The following ERC1 variants were observed in gnomAD, a reference collection of about 807,000 sequenced individuals.
ERC1 encodes the protein RAB6 interacting protein 2.
Under a neutral mutation model 132.0 loss-of-function variants are expected in ERC1, and 56 were observed. The observed-to-expected ratio is 0.42, with a 90% confidence interval of 0.34 to 0.53. The LOEUF (loss-of-function observed/expected upper bound fraction) is 0.53, where lower values mean the gene tolerates loss of function less well. Among genes scored for constraint, ERC1 ranks in the 20% least tolerant of loss-of-function variants. The probability of loss-of-function intolerance (pLI) is 0.03; values close to 1 mark genes in which losing one functional copy is unlikely to be tolerated. For synonymous variants in ERC1, 478 were observed against 476.1 expected, an observed-to-expected ratio of 1.00 and a Z score of -0.05; for missense variants, 1,202 against 1,349.9, an observed-to-expected ratio of 0.89 and a Z score of 1.72.
intron 1 of ERC1, among the ~76,000 whole-genome samples, chr12:1,009,854 T>A (rs1177854260): frequency 1.3e-5 from 2 of 152,208 alleles, no homozygotes; most frequent in Non-Finnish European, 2.9e-5. Context: ...AAGGTTTGAT[T>A]TTTATAAATA....
At chr12:1,241,742 T>A (rs888508396) in intron 13 of ERC1, among the ~76,000 whole-genome samples, 3 of 152,136 alleles carry the variant, frequency 2.0e-5, no homozygotes, top group Admixed American at 6.5e-5. Flanking sequence ...TTTAAAAAAA[T>A]TTTAAATCTA....
intron 17 of ERC1, among the ~76,000 whole-genome samples, chr12:1,437,776 C>T (rs2092989108): frequency 6.6e-6 from 1 of 152,122 alleles, no homozygotes; most frequent in Non-Finnish European, 1.5e-5. Flanking sequence ...GTTTTGTTTG[C>T]TAGAGTGGTA....
chr12:1,139,546 T>C (rs942751813), intron 7 of ERC1, among the ~76,000 whole-genome samples: 1 of 152,226 alleles, frequency 6.6e-6, no homozygotes, highest in African/African-American at 2.4e-5. Context: ...GGTTTGATAC[T>C]GTCTGTGGTT....
chr12:1,393,640 G>A (rs1221904977), intron 16 of ERC1, among the ~76,000 whole-genome samples: 1 of 118,790 alleles, frequency 8.4e-6, no homozygotes, highest in Non-Finnish European at 1.8e-5. Context: ...GTGTGTGTGT[G>A]TGTGTGTGTA....
chr12:1,115,792 G>C lies in ERC1; in HGVS notation c.1402-74G>C, dbSNP rs1037579290. The C allele has an allele frequency of 1.3e-5, 16 of 1,266,654 alleles. No homozygotes were observed. In the African/African-American group the frequency reaches 2.1e-4, roughly 17 times the overall value. The allele number at this position is 1,266,654 out of a possible 1,614,324, so 78.5% of individuals were successfully genotyped here. A position where few individuals can be genotyped will look rare whatever the true frequency, so the allele number is the denominator to read the frequency against. ...ATTTAGTTTCATATTTTGTGACTCA[G>C]ATCTGTGAAAGATACAGATAAGAGG... is the stretch of plus-strand genomic sequence containing the variant. On this transcript the variant is annotated intron_variant, in intron 6 of 18. Transcript: ENST00000360905.
chr12:1,179,241 C>A (rs987612169), intron 8 of ERC1, among the ~76,000 whole-genome samples: 8 of 152,024 alleles, frequency 5.3e-5, no homozygotes, highest in African/African-American at 1.9e-4. Context: ...TGTCTATATG[C>A]GAGTCCTCTT....
intron 15 of ERC1, among the ~76,000 whole-genome samples, chr12:1,365,464 A>G (rs1266881217): frequency 6.6e-6 from 1 of 152,234 alleles, no homozygotes; most frequent in Non-Finnish European, 1.5e-5. Context: ...TACATTCATT[A>G]TGAGCCTACT....
At chr12:1,019,290 A>AT (rs1276188358) in intron 1 of ERC1, among the ~76,000 whole-genome samples, 1 of 151,976 alleles carries the variant, frequency 6.6e-6, no homozygotes, top group Non-Finnish European at 1.5e-5. Context: ...GGCCCAGCTA[A>AT]TTTTTTGTAT....
chr12:1,068,768 A>C lies in ERC1; in HGVS notation c.670-14396A>C, dbSNP rs905857148. ...TTTGTCTAAGAATGATCCAATTAGC[A>C]GACTAATTTTTTTTCAACAGGGAAC... On this transcript the variant is annotated intron_variant, in intron 2 of 18. Transcript: ENST00000360905. Among the ~76,000 whole-genome samples the C allele has an allele frequency of 2.6e-5, 4 of 151,996 alleles. No individual in the cohort carries two copies. In the South Asian group the frequency reaches 6.2e-4, roughly 24 times the overall value.
intron 15 of ERC1, among the ~76,000 whole-genome samples, chr12:1,304,955 A>C (rs2080759557): frequency 6.6e-6 from 1 of 151,144 alleles, no homozygotes; most frequent in African/African-American, 2.4e-5. Flanking sequence ...ACGCCCGGCT[A>C]ATTTTTTGTA....
At chr12:1,163,381 C>T (rs1310138073) in intron 8 of ERC1, among the ~76,000 whole-genome samples, 1 of 152,230 alleles carries the variant, frequency 6.6e-6, no homozygotes, top group Non-Finnish European at 1.5e-5. Context: ...AATACCCCCT[C>T]ATCCCTACAT....
At position 1,393,542 on chromosome 12, in the gene ERC1, A is replaced by C. The variant is rs908854451; in HGVS notation, c.2926-14607A>C. ...GAGGAGACCCTGTCTCAATTTAAAT[A>C]TCAAAAAGAACTTTTATTCTTGTGA... On this transcript the variant is annotated intron_variant, in intron 16 of 18. Transcript: ENST00000360905. Among the ~76,000 whole-genome samples the C allele has an allele frequency of 1.1e-4, 17 of 151,922 alleles. 1 individual carries two copies. The highest frequency in any genetic ancestry group is 4.1e-4 in the African/African-American group (17 of 41,382).
chr12:1,246,911 G>A (rs1014244894), intron 13 of ERC1, among the ~76,000 whole-genome samples: 2 of 152,178 alleles, frequency 1.3e-5, no homozygotes, highest in Non-Finnish European at 2.9e-5. Flanking sequence ...ATGTATTCGA[G>A]GGGAAATGTC....
At chr12:1,424,820 TA>T (rs1204495053) in intron 17 of ERC1, among the ~76,000 whole-genome samples, 9 of 138,970 alleles carry the variant, frequency 6.5e-5, no homozygotes, top group South Asian at 2.5e-4. Context: ...GATAGATAGA[TA>T]GATAGATAGA....
intron 15 of ERC1, among the ~76,000 whole-genome samples, chr12:1,316,411 T>C (rs1199121230): frequency 6.6e-6 from 1 of 152,212 alleles, no homozygotes; most frequent in Non-Finnish European, 1.5e-5. Context: ...TTAACCTGTT[T>C]AGTTGTATTA....
rs1310389960 is a variant in ERC1 at position 1,492,329 on chromosome 12, A to G, written c.*2099A>G. 1 of 233,142 alleles carries G rather than the reference A, an allele frequency of 4.3e-6. No individual in the cohort carries two copies. Among genetic ancestry groups the G allele is most frequent in the Non-Finnish European group, 8.5e-6 (1 of 118,022 alleles). 14.4% of individuals were successfully genotyped at this position (233,142 alleles called of 1,614,324 possible). A position where few individuals can be genotyped will look rare whatever the true frequency, so the allele number is the denominator to read the frequency against. On this transcript the variant is annotated 3_prime_UTR_variant, in exon 19 of 19. Coordinates refer to ENST00000360905, the MANE Select transcript of ERC1 (RefSeq NM_178040.4). Reference sequence around the variant, plus strand: ...TAGAAAGCTCCCAGCACTGAAAGGCAGGAGTGTTAGCATCTCGCTTTATCC... The same window carrying G: ...TAGAAAGCTCCCAGCACTGAAAGGCGGGAGTGTTAGCATCTCGCTTTATCC...
At chr12:1,182,802 T>C (rs752983664) in intron 10 of ERC1, among the ~76,000 whole-genome samples, 1 of 151,752 alleles carries the variant, frequency 6.6e-6, no homozygotes, top group Non-Finnish European at 1.5e-5. Flanking sequence ...GCTAGGACTA[T>C]ACGTGTGCAC....
intron 15 of ERC1, among the ~76,000 whole-genome samples, chr12:1,369,381 C>A (rs563341181): frequency 1.3e-4 from 20 of 152,286 alleles, no homozygotes; most frequent in Admixed American, 8.5e-4. Context: ...TCCTTAAGCA[C>A]AAAATAGGCC....
At chr12:1,461,350 TA>T (rs1034584202) in intron 18 of ERC1, among the ~76,000 whole-genome samples, 6 of 152,324 alleles carry the variant, frequency 3.9e-5, no homozygotes, top group Admixed American at 3.9e-4. Flanking sequence ...GAATTTTAGA[TA>T]AAGCCAACGT....
Sources: allele counts gnomAD v4.1 joint callset (sites outside exome capture counted in the v4.1 genomes callset), GRCh38; gene constraint gnomAD v4.1.1; transcripts MANE v1.5; gene names NCBI Gene and HGNC (gene_info 2026-07-23, HGNC 2026-07-21).